ANKIB1: variants seen among roughly 807,000 people sequenced by gnomAD.
The protein encoded by ANKIB1 is ankyrin repeat and IBR domain-containing protein 1.
A neutral mutation model predicts 122.1 loss-of-function variants in ANKIB1; 43 were observed. The ratio of observed to expected loss-of-function variants is 0.35; its 90% CI spans 0.28 to 0.45. The LOEUF (loss-of-function observed/expected upper bound fraction) is 0.45. Among genes scored for constraint, ANKIB1 ranks in the 20% least tolerant of loss-of-function variants. The pLI, the probability that ANKIB1 is intolerant of heterozygous loss-of-function variation, is 1.00. For missense variants in ANKIB1, 992 were observed against 1,329.5 expected (o/e 0.75, Z 3.95); for synonymous variants, 390 against 442.0 (o/e 0.88, Z 1.48).
intron 5 of ANKIB1, among the ~76,000 whole-genome samples, chr7:92,341,384 G>A (rs968506283): frequency 2.6e-5 from 4 of 151,696 alleles, no homozygotes; most frequent in Admixed American, 2.6e-4. Context: ...AACACAATGG[G>A]CCTTAGACTC....
intron 6 of ANKIB1, 39 bp from the exon 7 acceptor site, chr7:92,344,939 T>C (rs1385454647): frequency 6.7e-7 from 1 of 1,486,812 alleles, no homozygotes; most frequent in South Asian, 1.1e-5. Context: ...CTTTCAGAAG[T>C]ACATTTCTGT....
intron 2 of ANKIB1, 88 bp from the exon 3 acceptor site, chr7:92,307,271 T>A: frequency 7.6e-7 from 1 of 1,316,784 alleles, no homozygotes; most frequent in Non-Finnish European, 1.0e-6. Context: ...AAGTAGAGTT[T>A]ATCTTTTAAA....
At chr7:92,391,550 T>A (rs1804785419) in intron 16 of ANKIB1, among the ~76,000 whole-genome samples, 1 of 152,126 alleles carries the variant, frequency 6.6e-6, no homozygotes, top group Non-Finnish European at 1.5e-5. Flanking sequence ...TGTTTATTTA[T>A]CATTGTGTAG....
At position 92,246,386 on chromosome 7, in the gene ANKIB1, G is replaced by C. The variant is rs1308593230; in HGVS notation, c.-224G>C. ...GGGTGCACCCGGGCCGGCGAGGAAG[G>C]GGCAACCGTCCGGGTGGGTGGGGCG... On this transcript the variant is annotated 5_prime_UTR_variant, in exon 1 of 20. Transcript: ENST00000265742. 4.1e-6 allele frequency: 2 copies of C among 491,104 alleles called. No individual in the cohort carries two copies. The highest frequency in any genetic ancestry group is 1.5e-5 in the South Asian group (1 of 67,562). The allele number at this position is 491,104 out of a possible 1,614,324, so 30.4% of individuals were successfully genotyped here.
At chr7:92,365,821 C>G (rs575773261) in intron 10 of ANKIB1, among the ~76,000 whole-genome samples, 3 of 86,978 alleles carry the variant, frequency 3.4e-5, no homozygotes, top group African/African-American at 8.3e-5. Flanking sequence ...TTTTTTGAGA[C>G]AGTCTCGCTC....
chr7:92,389,934 G>T, intron 14 of ANKIB1, 37 bp from the exon 15 acceptor site: 1 of 1,555,056 alleles, frequency 6.4e-7, no homozygotes, highest in South Asian at 1.3e-5. Context: ...TGGCATATTT[G>T]CAAAAACAAA....
intron 16 of ANKIB1, 148 bp downstream of exon 16, chr7:92,391,492 G>T: frequency 1.4e-6 from 1 of 738,754 alleles, no homozygotes; most frequent in Admixed American, 4.2e-5. Context: ...ACTTTTTTTG[G>T]TGATTTTTTT....
At chr7:92,391,888 A>T (rs1804794232) in intron 16 of ANKIB1, among the ~76,000 whole-genome samples, 2 of 152,142 alleles carry the variant, frequency 1.3e-5, no homozygotes, top group African/African-American at 4.8e-5. Flanking sequence ...TATTTATAAT[A>T]ACTATAAGCA....
At chr7:92,396,707 C>G (rs1377496888) in intron 18 of ANKIB1, among the ~76,000 whole-genome samples, 1 of 152,140 alleles carries the variant, frequency 6.6e-6, no homozygotes, top group African/African-American at 2.4e-5. Context: ...GCTGTGTAAC[C>G]TAGTCAGGTC....
At chr7:92,280,987 C>G (rs118013431) in intron 1 of ANKIB1, among the ~76,000 whole-genome samples, 1 of 152,278 alleles carries the variant, frequency 6.6e-6, no homozygotes, top group Non-Finnish European at 1.5e-5. Context: ...CCTTAGAGAA[C>G]TCACAGGACT....
chr7:92,274,735 C>G (rs1210725701), intron 1 of ANKIB1, among the ~76,000 whole-genome samples: 1 of 152,082 alleles, frequency 6.6e-6, no homozygotes, highest in Non-Finnish European at 1.5e-5. Flanking sequence ...TCACTTGACA[C>G]CAAGAGTTTG....
chr7:92,320,200 C>T (rs1379369796), intron 4 of ANKIB1, among the ~76,000 whole-genome samples: 1 of 152,146 alleles, frequency 6.6e-6, no homozygotes. Context: ...TGACTCAACC[C>T]TTCCCTAGCC....
At chr7:92,319,970 A>T (rs1802871617) in intron 4 of ANKIB1, 1 of 153,386 alleles carries the variant, frequency 6.5e-6, no homozygotes, top group Admixed American at 6.5e-5. Context: ...CATCTAGGAA[A>T]CCTGGAGCTA....
intron 3 of ANKIB1, among the ~76,000 whole-genome samples, chr7:92,318,668 C>T (rs1365394697): frequency 6.6e-6 from 1 of 152,152 alleles, no homozygotes; most frequent in Admixed American, 6.5e-5. Flanking sequence ...TTCTGCAAAG[C>T]TAGCAGAAAC....
At chr7:92,306,555 G>A (rs1724840493) in intron 2 of ANKIB1, among the ~76,000 whole-genome samples, 1 of 152,046 alleles carries the variant, frequency 6.6e-6, no homozygotes, top group African/African-American at 2.4e-5. Flanking sequence ...CTCAGGAATG[G>A]GAGTAGTGCA....
At chr7:92,267,672 G>A (rs1336967239) in intron 1 of ANKIB1, among the ~76,000 whole-genome samples, 1 of 152,178 alleles carries the variant, frequency 6.6e-6, no homozygotes. Flanking sequence ...TCGGGAATTT[G>A]ACTTTGGTGT....
chr7:92,302,466 G>GT (rs1301350491), intron 2 of ANKIB1, among the ~76,000 whole-genome samples: 2 of 152,134 alleles, frequency 1.3e-5, no homozygotes, highest in Non-Finnish European at 1.5e-5. Context: ...CACATGCTAT[G>GT]TGGTTATATT....
intron 17 of ANKIB1, 122 bp downstream of exon 17, chr7:92,392,414 A>G: frequency 2.5e-6 from 2 of 808,612 alleles, no homozygotes; most frequent in Admixed American, 5.4e-5. Context: ...TTTCTTTTGT[A>G]ACAAAAATGC....
intron 1 of ANKIB1, 22 bp downstream of exon 1, chr7:92,246,541 C>G: frequency 1.9e-6 from 1 of 517,256 alleles, no homozygotes; most frequent in South Asian, 1.4e-5. Flanking sequence ...CTTCGCGGTA[C>G]AGATGTGTTT....
Sources: gnomAD v4.1 joint callset for allele counts (sites outside exome capture counted in the v4.1 genomes callset) on GRCh38, gnomAD v4.1.1 for gene constraint, MANE v1.5 for transcripts, NCBI Gene and HGNC (gene_info 2026-07-23, HGNC 2026-07-21) for gene names.